ASAP1: variants seen among roughly 807,000 people sequenced by gnomAD.
ASAP1 encodes the protein ArfGAP with SH3 domain, ankyrin repeat and PH domain 1, also known as arf-GAP with SH3 domain, ANK repeat and PH domain-containing protein 1.
In ASAP1, 43 loss-of-function variants were observed where a neutral mutation model predicts 145.2. The ratio of observed to expected loss-of-function variants is 0.30; its 90% CI spans 0.23 to 0.38. The LOEUF (loss-of-function observed/expected upper bound fraction) is 0.38, where lower values mean the gene tolerates loss of function less well. Among genes scored for constraint, ASAP1 ranks in the 10% least tolerant of loss-of-function variants. ASAP1 has a pLI of 1.00. For missense variants in ASAP1, 1,018 were observed against 1,355.3 expected, an observed-to-expected ratio of 0.75 and a Z score of 3.91; for synonymous variants, 546 against 515.5, an observed-to-expected ratio of 1.06 and a Z score of -0.80.
At position 130,358,801 on chromosome 8, in the gene ASAP1, C is replaced by T. The variant is rs1047372824; in HGVS notation, c.60-658G>A. On this transcript the variant is annotated intron_variant, in intron 2 of 29. Transcript: ENST00000518721. This position sits in a 1 kb window ranked among gnomAD's most constrained non-coding sequence, Gnocchi z 4.1. ...CCCTGGGGCCTGGCTCCGAAGCTGC[C>T]GCTCCCGACCCCGGCTGCGCGGCAC... 4.0e-5 allele frequency among the ~76,000 whole-genome samples: 6 copies of T among 149,948 alleles called. No homozygotes were observed. Among genetic ancestry groups the T allele is most frequent in the African/African-American group, 1.2e-4 (5 of 40,954 alleles).
At chr8:130,419,991 A>G (rs1829651844) in intron 1 of ASAP1, among the ~76,000 whole-genome samples, 1 of 147,342 alleles carries the variant, frequency 6.8e-6, no homozygotes, top group African/African-American at 2.5e-5. Flanking sequence ...GGGTCTTGCT[A>G]TGTTTACCAG....
chr8:130,176,158 C>T lies in ASAP1; in HGVS notation c.746+3106G>A, dbSNP rs77133113. ...TATTTCTCCAGTGTAGTAGCTTCAT[C>T]CACACGGAAGTGTCGTGACTATTAC... On this transcript the variant is annotated intron_variant, in intron 9 of 29. Transcript: ENST00000518721. Among the ~76,000 whole-genome samples the T allele has an allele frequency of 6.0e-3, 915 of 152,302 alleles. 4 individuals carry two copies. The highest frequency in any genetic ancestry group is 7.3e-3 in the Non-Finnish European group (496 of 68,018).
At chr8:130,287,379 G>A (rs771838524) in intron 3 of ASAP1, among the ~76,000 whole-genome samples, 1 of 152,060 alleles carries the variant, frequency 6.6e-6, no homozygotes, top group Non-Finnish European at 1.5e-5. Context: ...ATAGATGATG[G>A]CACCATGCAC....
chr8:130,420,369 G>A (rs1465617720), intron 1 of ASAP1, among the ~76,000 whole-genome samples: 4 of 151,818 alleles, frequency 2.6e-5, no homozygotes, highest in Non-Finnish European at 5.9e-5. Flanking sequence ...AGCTACTTTG[G>A]AAAAGTCAAA....
chr8:130,392,823 T>C lies in ASAP1; in HGVS notation c.59+9062A>G, dbSNP rs563840269. Among the ~76,000 whole-genome samples the C allele has an allele frequency of 9.9e-5, 15 of 152,166 alleles. No individual in the cohort carries two copies. In the South Asian group the frequency reaches 3.1e-3, roughly 32 times the overall value. On this transcript the variant is annotated intron_variant, in intron 2 of 29. Coordinates refer to ENST00000518721, the MANE Select transcript of ASAP1 (RefSeq NM_018482.4). ...AGGTGGGGGAGGGGCTGGGATCTTTTAAACAAACAGTTGTCACGGGAACTA... is the reference window on the plus strand; with the variant it reads ...AGGTGGGGGAGGGGCTGGGATCTTTCAAACAAACAGTTGTCACGGGAACTA...
intron 2 of ASAP1, among the ~76,000 whole-genome samples, chr8:130,366,053 C>T (rs1826934473): frequency 6.6e-6 from 1 of 152,120 alleles, no homozygotes; most frequent in African/African-American, 2.4e-5. Flanking sequence ...GGTGACTTGC[C>T]CAGTGTTCCC....
At chr8:130,187,625 C>T (rs1472613937) in intron 6 of ASAP1, among the ~76,000 whole-genome samples, 1 of 152,088 alleles carries the variant, frequency 6.6e-6, no homozygotes, top group Non-Finnish European at 1.5e-5. Context: ...TATTATGTTG[C>T]CCAGGCTGGT....
intron 4 of ASAP1, among the ~76,000 whole-genome samples, chr8:130,221,735 C>A (rs183207006): frequency 6.6e-6 from 1 of 152,144 alleles, no homozygotes; most frequent in Admixed American, 6.6e-5. Context: ...GCCACTGAAC[C>A]TTACAGGGTA....
chr8:130,349,838 A>T (rs535799554), intron 3 of ASAP1, among the ~76,000 whole-genome samples: 2 of 152,316 alleles, frequency 1.3e-5, no homozygotes, highest in South Asian at 2.1e-4. Flanking sequence ...TCAAAAAGCA[A>T]TGTCATTTAT....
intron 3 of ASAP1, among the ~76,000 whole-genome samples, chr8:130,256,739 T>TATATATATATATATATATATA (rs1565142439): frequency 1.0e-5 from 1 of 95,902 alleles, no homozygotes; most frequent in South Asian, 2.9e-4. Context: ...ATACACATTC[T>TATATATATATATATATATATA]TATATATATA....
intron 3 of ASAP1, among the ~76,000 whole-genome samples, chr8:130,282,290 T>C (rs1382940986): frequency 6.6e-6 from 1 of 152,126 alleles, no homozygotes; most frequent in Non-Finnish European, 1.5e-5. Context: ...TTTTGCCAAA[T>C]AGGAAAAAAT....
chr8:130,300,680 T>C (rs576475528), intron 3 of ASAP1, among the ~76,000 whole-genome samples: 1 of 152,312 alleles, frequency 6.6e-6, no homozygotes, highest in East Asian at 1.9e-4. Context: ...CTGAACTGGA[T>C]TGGGAGATCA....
chr8:130,267,136 AAAC>A (rs1273756682), intron 3 of ASAP1, among the ~76,000 whole-genome samples: 14 of 150,358 alleles, frequency 9.3e-5, no homozygotes, highest in Admixed American at 1.3e-4. Context: ...AAAAAAAACA[AAAC>A]AAAAAACAAA....
At chr8:130,418,303 A>G (rs1288560109) in intron 1 of ASAP1, among the ~76,000 whole-genome samples, 3 of 152,186 alleles carry the variant, frequency 2.0e-5, no homozygotes, top group African/African-American at 7.2e-5. Flanking sequence ...TAATCCCAGC[A>G]CTTTGGGAGG....
chr8:130,137,293 A>G (rs565790882), intron 13 of ASAP1, among the ~76,000 whole-genome samples: 2 of 152,342 alleles, frequency 1.3e-5, no homozygotes, highest in Admixed American at 6.5e-5. Context: ...TGAATTCTGA[A>G]TCTCATTAAA....
intron 27 of ASAP1, among the ~76,000 whole-genome samples, chr8:130,070,857 GGGAGAGAGGGA>G (rs1459722877): frequency 0.18 from 1,394 of 7,758 alleles, 340 homozygotes; most frequent in African/African-American, 0.31. Context: ...GGGAGAGAGA[GGGAGAGAGGGA>G]GAGAGAGGGA....
At chr8:130,396,964 A>G (rs1828557896) in intron 2 of ASAP1, among the ~76,000 whole-genome samples, 1 of 152,186 alleles carries the variant, frequency 6.6e-6, no homozygotes. Context: ...AGAATTCAGC[A>G]TTCAATTCCA....
In ASAP1 at chr8:130,276,728, A is replaced by ACACACTCTCTCTCTCTCTCTCT. The variant is rs548512902; in HGVS notation, c.187-39735_187-39734insAGAGAGAGAGAGAGAGAGTGTG. Among the ~76,000 whole-genome samples, 36 of 87,304 alleles carry ACACACTCTCTCTCTCTCTCTCT rather than the reference A, an allele frequency of 4.1e-4. No individual in the cohort carries two copies. The East Asian group carries it at 4.4e-3, about 11-fold the overall frequency. The allele number at this position is 87,304 out of a possible 152,430, so 57.3% of individuals were successfully genotyped here. On this transcript the variant is annotated intron_variant, in intron 3 of 29. Transcript: ENST00000518721. ...CACACACACACACACACACACACAC[A>ACACACTCTCTCTCTCTCTCTCT]CTCTCTCTCTCTCTCTCTCTCTCTC...
intron 4 of ASAP1, among the ~76,000 whole-genome samples, chr8:130,224,614 A>G (rs1048264091): frequency 4.6e-5 from 7 of 152,180 alleles, no homozygotes; most frequent in Non-Finnish European, 1.0e-4. Context: ...AATAAATGGG[A>G]TATTACATAC....
Sources: allele counts gnomAD v4.1 joint callset (sites outside exome capture counted in the v4.1 genomes callset), GRCh38; gene constraint gnomAD v4.1.1; non-coding constraint Gnocchi (gnomAD v3.1); transcripts MANE v1.5; gene names NCBI Gene and HGNC (gene_info 2026-07-23, HGNC 2026-07-21).